Variants in TGFA observed in about 807,000 individuals in gnomAD.
TGFA encodes transforming growth factor alpha, also known as protransforming growth factor alpha.
TGFA carries 12 observed loss-of-function variants against 21.7 expected under a neutral mutation model. The observed-to-expected ratio is 0.55, with a 90% CI of 0.35 to 0.90. TGFA has a LOEUF of 0.90. Among genes scored for constraint, TGFA ranks in the 40% least tolerant of loss-of-function variants. The pLI, the probability that TGFA is intolerant of heterozygous loss-of-function variation, is 0.01. For missense variants in TGFA, 178 were observed against 210.8 expected (o/e 0.84, Z 0.96); for synonymous variants, 79 against 88.1 (o/e 0.90, Z 0.58).
Position 70,450,579 on chromosome 2 carries a change from A to G in TGFA, c.*280T>C. The G allele has an allele frequency of 2.1e-6, 1 of 470,766 alleles. No homozygotes were observed. Among genetic ancestry groups the G allele is most frequent in the Non-Finnish European group, 3.9e-6 (1 of 257,408 alleles). 29.2% of individuals were successfully genotyped at this position (470,766 alleles called of 1,614,324 possible). A position where few individuals can be genotyped will look rare whatever the true frequency, so the allele number is the denominator to read the frequency against. ...GACTCAGACACCAACTGCTGCACAC[A>G]CCTCACCTAGGTGAACAGGAGTCCG... On this transcript the variant is annotated 3_prime_UTR_variant, in exon 6 of 6. Transcript: ENST00000295400.
chr2:70,522,848 G>A (rs765108720), intron 1 of TGFA, among the ~76,000 whole-genome samples: 4 of 152,304 alleles, frequency 2.6e-5, no homozygotes, highest in Admixed American at 6.5e-5. Flanking sequence ...TGCTCACTGA[G>A]CACCTGCTGC....
chr2:70,486,388 C>G (rs1553496665), intron 2 of TGFA, among the ~76,000 whole-genome samples: 1 of 152,202 alleles, frequency 6.6e-6, no homozygotes, highest in Non-Finnish European at 1.5e-5. Flanking sequence ...AGCTGTCTCT[C>G]AAAAACATCT....
At chr2:70,499,030 G>A (rs1217486215) in intron 2 of TGFA, among the ~76,000 whole-genome samples, 1 of 152,118 alleles carries the variant, frequency 6.6e-6, no homozygotes, top group Admixed American at 6.5e-5. Context: ...AAACTCCCCA[G>A]GTAATTCTAA....
At chr2:70,530,507 C>T (rs1295574728) in intron 1 of TGFA, among the ~76,000 whole-genome samples, 11 of 152,248 alleles carry the variant, frequency 7.2e-5, no homozygotes, top group African/African-American at 2.7e-4. Context: ...AATAAAATCA[C>T]AAAAAATCTT....
intron 1 of TGFA, among the ~76,000 whole-genome samples, chr2:70,518,752 C>A (rs1408400575): frequency 6.6e-6 from 1 of 152,198 alleles, no homozygotes; most frequent in Non-Finnish European, 1.5e-5. Context: ...TGTGGACACT[C>A]AGCTATAGTG....
Position 70,449,310 on chromosome 2 carries a change from G to A in TGFA, c.*1549C>T, listed in dbSNP as rs962594307. On this transcript the variant is annotated 3_prime_UTR_variant, in exon 6 of 6. Coordinates refer to ENST00000295400, the MANE Select transcript of TGFA (RefSeq NM_003236.4). ...AACATATTTTAAATGTACCTTTCAC[G>A]ATGTAATAAGCTAGGTGCACTTAAG... The A allele has an allele frequency of 6.6e-6, 1 of 152,288 alleles. No homozygotes were observed. Among genetic ancestry groups the A allele is most frequent in the Non-Finnish European group, 1.5e-5 (1 of 68,144 alleles). The allele number at this position is 152,288 out of a possible 1,614,324, so 9.4% of individuals were successfully genotyped here.
chr2:70,501,232 T>A (rs971612517), intron 2 of TGFA, among the ~76,000 whole-genome samples: 1 of 151,586 alleles, frequency 6.6e-6, no homozygotes, highest in East Asian at 1.9e-4. Context: ...AAAGAAAAAA[T>A]TTTTAAAGTG....
At chr2:70,536,922 T>G (rs560543004) in intron 1 of TGFA, among the ~76,000 whole-genome samples, 37 of 152,290 alleles carry the variant, frequency 2.4e-4, no homozygotes, top group African/African-American at 8.4e-4. Context: ...CATATTTCAT[T>G]TGATAGAACT....
At chr2:70,504,463 TACAC>T (rs369622936) in intron 2 of TGFA, among the ~76,000 whole-genome samples, 23 of 48,928 alleles carry the variant, frequency 4.7e-4, no homozygotes, top group African/African-American at 8.1e-4. Flanking sequence ...TATATATATA[TACAC>T]ACATACATAC....
intron 2 of TGFA, among the ~76,000 whole-genome samples, chr2:70,498,458 G>A (rs572260457): frequency 6.6e-6 from 1 of 152,288 alleles, no homozygotes; most frequent in Non-Finnish European, 1.5e-5. Context: ...AGAGAGTAAG[G>A]GCAACGGGGC....
Position 70,492,795 on chromosome 2 carries a change from T to C in TGFA, c.94+22064A>G, listed in dbSNP as rs564202681. ...TAACAAGTCATAACTACGACCCTTT[T>C]ACATGTTTCTTAATCACCAATTGTG... is the stretch of plus-strand genomic sequence containing the variant. On this transcript the variant is annotated intron_variant, in intron 2 of 5. Transcript: ENST00000295400. 6.8e-4 allele frequency among the ~76,000 whole-genome samples: 103 copies of C among 152,326 alleles called. 5 individuals are homozygous for C. The South Asian group carries it at 0.021, about 31-fold the overall frequency.
chr2:70,473,722 A>G (rs1222060810), intron 2 of TGFA, among the ~76,000 whole-genome samples: 4 of 152,122 alleles, frequency 2.6e-5, no homozygotes, highest in African/African-American at 9.7e-5. Context: ...AAATATAATT[A>G]TGCAACTCAT....
At chr2:70,509,834 G>A (rs2103840118) in intron 2 of TGFA, among the ~76,000 whole-genome samples, 1 of 152,294 alleles carries the variant, frequency 6.6e-6, no homozygotes, top group Middle Eastern at 3.4e-3. Context: ...ATTTCTCAGG[G>A]TTAAGCAAGT....
At chr2:70,488,149 A>C (rs1671323912) in intron 2 of TGFA, among the ~76,000 whole-genome samples, 1 of 152,152 alleles carries the variant, frequency 6.6e-6, no homozygotes, top group Admixed American at 6.5e-5. Flanking sequence ...CTAGTGATAC[A>C]TTCTTTCTTG....
chr2:70,512,263 A>G (rs1312300147), intron 2 of TGFA, among the ~76,000 whole-genome samples: 7 of 152,126 alleles, frequency 4.6e-5, no homozygotes, highest in African/African-American at 1.7e-4. Context: ...TAACTCTGGA[A>G]AGAGTAATTT....
At chr2:70,512,746 C>T (rs1041616600) in intron 2 of TGFA, among the ~76,000 whole-genome samples, 6 of 152,176 alleles carry the variant, frequency 3.9e-5, no homozygotes, top group African/African-American at 7.2e-5. Context: ...GGCTCCAGGG[C>T]GACATCCCTT....
At chr2:70,485,102 C>T (rs1275779832) in intron 2 of TGFA, among the ~76,000 whole-genome samples, 1 of 152,204 alleles carries the variant, frequency 6.6e-6, no homozygotes, top group Non-Finnish European at 1.5e-5. Context: ...TCACTGCCCC[C>T]AAAGTGAGCT....
Position 70,449,420 on chromosome 2 carries a change from C to G in TGFA, c.*1439G>C, listed in dbSNP as rs1553489225. 1 of 155,134 alleles carries G rather than the reference C, an allele frequency of 6.4e-6. No individual in the cohort carries two copies. Among genetic ancestry groups the G allele is most frequent in the Non-Finnish European group, 1.5e-5 (1 of 68,912 alleles). The allele number at this position is 155,134 out of a possible 1,614,324, so 9.6% of individuals were successfully genotyped here. On this transcript the variant is annotated 3_prime_UTR_variant, in exon 6 of 6. Transcript: ENST00000295400. ...GTTTATATATTATTTCTTCATTACTCTGTTTCCAAATTTTAATGAAAATTC... is the reference window on the plus strand; with the variant it reads ...GTTTATATATTATTTCTTCATTACTGTGTTTCCAAATTTTAATGAAAATTC...
chr2:70,469,821 A>G (rs17005644), intron 2 of TGFA, among the ~76,000 whole-genome samples: 30,245 of 152,158 alleles, frequency 0.2, 3,401 homozygotes, highest in African/African-American at 0.3. Flanking sequence ...TCTTCGTGGT[A>G]AAGTATTAGG....
Sources: allele counts gnomAD v4.1 joint callset (sites outside exome capture counted in the v4.1 genomes callset), GRCh38; gene constraint gnomAD v4.1.1; transcripts MANE v1.5; gene names NCBI Gene and HGNC (gene_info 2026-07-23, HGNC 2026-07-21).